Variants in CUX1 observed in about 807,000 individuals in gnomAD.
CUX1 encodes the protein cut like homeobox 1.
Under a neutral mutation model 158.8 loss-of-function variants are expected in CUX1, and 31 were observed. That is an observed-to-expected ratio of 0.20 (90% CI 0.15 to 0.26). CUX1 has a LOEUF of 0.26. CUX1 is among the 10% of genes least tolerant of loss of function. The probability of loss-of-function intolerance (pLI) is 1.00; values close to 1 mark genes in which losing one functional copy is unlikely to be tolerated. For synonymous variants in CUX1, 879 were observed against 862.1 expected (o/e 1.02, Z -0.34); for missense variants, 1,589 against 2,014.6 (o/e 0.79, Z 4.04).
chr7:102,228,134 A>G lies in CUX1; in HGVS notation c.3433+465A>G, dbSNP rs534486708. 1.1e-4 allele frequency among the ~76,000 whole-genome samples: 17 copies of G among 151,842 alleles called. No individual in the cohort carries two copies. The South Asian group carries it at 2.3e-3, about 20-fold the overall frequency. On this transcript the variant is annotated intron_variant, in intron 21 of 23. Coordinates refer to ENST00000292535, the MANE Select transcript of CUX1 (RefSeq NM_181552.4). ...CCTGGCTAATTTTTGTATTTTCAGT[A>G]GAGGTGGGGTTTCACCATGTTGGCC...
Position 102,254,837 on chromosome 7 carries a change from A to G in CUX1, c.*5795A>G. Reference sequence around the variant, plus strand: ...AGTCTGGCCGGCACACTCGAACGCTAAGAGAATGGTCCAATTTGATGATCT... The same window carrying G: ...AGTCTGGCCGGCACACTCGAACGCTGAGAGAATGGTCCAATTTGATGATCT... On this transcript the variant is annotated 3_prime_UTR_variant, in exon 24 of 24. Transcript: ENST00000292535. The G allele has an allele frequency of 1.0e-6, 1 of 985,466 alleles. No individual in the cohort carries two copies. The highest frequency in any genetic ancestry group is 1.2e-6 in the Non-Finnish European group (1 of 829,944). 61.0% of individuals were successfully genotyped at this position (985,466 alleles called of 1,614,324 possible).
At chr7:101,887,628 C>T (rs1207880893) in intron 1 of CUX1, among the ~76,000 whole-genome samples, 5 of 151,920 alleles carry the variant, frequency 3.3e-5, no homozygotes, top group African/African-American at 4.8e-5. Context: ...TTTTCTGATT[C>T]GGGAGGATAA....
chr7:101,833,901 C>CG (rs954641364), intron 1 of CUX1, among the ~76,000 whole-genome samples: 4 of 152,094 alleles, frequency 2.6e-5, no homozygotes, highest in Non-Finnish European at 5.9e-5. Flanking sequence ...CTCCTTCTAA[C>CG]GGGGGGTGCA....
intron 8 of CUX1, among the ~76,000 whole-genome samples, chr7:102,139,232 G>A (rs1554499544): frequency 7.9e-6 from 1 of 126,730 alleles, no homozygotes; most frequent in East Asian, 2.2e-4. Flanking sequence ...GCAACAGAGA[G>A]AGACTACATC....
chr7:102,271,721 A>T (rs1791225248), intron 14 of CUX1, among the ~76,000 whole-genome samples: 1 of 152,182 alleles, frequency 6.6e-6, no homozygotes, highest in African/African-American at 2.4e-5. Context: ...GGCTCAGTGA[A>T]TGTCTGAAGG....
intron 14 of CUX1, 115 bp from the exon 15 acceptor site, chr7:102,196,519 C>G: frequency 1.0e-6 from 1 of 1,004,294 alleles, no homozygotes; most frequent in Non-Finnish European, 1.4e-6. Context: ...GTAAAAAAAA[C>G]CTGCACTTTT....
At chr7:102,207,917 G>C (rs1323704890) in intron 20 of CUX1, among the ~76,000 whole-genome samples, 1 of 152,150 alleles carries the variant, frequency 6.6e-6, no homozygotes, top group Non-Finnish European at 1.5e-5. Context: ...GTTTCACACA[G>C]AGGCTCACAT....
At chr7:102,236,609 TAAAC>T (rs1240859527) in intron 22 of CUX1, among the ~76,000 whole-genome samples, 3 of 152,038 alleles carry the variant, frequency 2.0e-5, no homozygotes, top group Non-Finnish European at 4.4e-5. Flanking sequence ...ATCTCCAACA[TAAAC>T]AAAAGTAGAG....
At chr7:102,225,424 A>G (rs2268029) in intron 20 of CUX1, among the ~76,000 whole-genome samples, 12,427 of 152,216 alleles carry the variant, frequency 0.082, 785 homozygotes, top group African/African-American at 0.17. Context: ...CCAGAAAAGG[A>G]CTCTTAAGAT....
rs186555641 is a variant in CUX1, at chr7:102,001,858, A to T, written c.142-26240A>T. Among the ~76,000 whole-genome samples, 3 of 152,360 alleles carry T rather than the reference A, an allele frequency of 2.0e-5. No homozygotes were observed. In the East Asian group the frequency reaches 5.8e-4, roughly 29 times the overall value. On this transcript the variant is annotated intron_variant, in intron 2 of 23. Coordinates refer to ENST00000292535, the MANE Select transcript of CUX1 (RefSeq NM_181552.4). ...CAGCAAGAGCTTGCCCCTGCTCAGAAGTGCTTAGTTGCTAATTAGATGTTT... is the reference window on the plus strand; with the variant it reads ...CAGCAAGAGCTTGCCCCTGCTCAGATGTGCTTAGTTGCTAATTAGATGTTT...
At chr7:101,876,937 C>T (rs1799207038) in intron 1 of CUX1, among the ~76,000 whole-genome samples, 1 of 151,938 alleles carries the variant, frequency 6.6e-6, no homozygotes, top group African/African-American at 2.4e-5. Context: ...TCATCTTTTT[C>T]CTAGTTTCTG....
chr7:102,194,716 G>A (rs906818865), intron 13 of CUX1, among the ~76,000 whole-genome samples: 1 of 151,576 alleles, frequency 6.6e-6, no homozygotes, highest in Admixed American at 6.6e-5. Flanking sequence ...GGGTCATCTG[G>A]TGGCCAATTA....
At chr7:102,018,127 T>G (rs1334591178) in intron 2 of CUX1, among the ~76,000 whole-genome samples, 1 of 152,020 alleles carries the variant, frequency 6.6e-6, no homozygotes. Context: ...TGGGTAATTT[T>G]TTTAGAAACT....
chr7:101,985,079 A>G (rs1389555657), intron 2 of CUX1, among the ~76,000 whole-genome samples: 1 of 152,192 alleles, frequency 6.6e-6, no homozygotes, highest in East Asian at 1.9e-4. Context: ...TCCAATAAAG[A>G]ATTGAAATTA....
At chr7:102,163,240 G>A (rs1790649069) in intron 9 of CUX1, among the ~76,000 whole-genome samples, 2 of 152,100 alleles carry the variant, frequency 1.3e-5, no homozygotes, top group Admixed American at 1.3e-4. Context: ...AGTACCGGCA[G>A]TTGGAGAGGC....
At chr7:101,818,695 T>C (rs550847587) in intron 1 of CUX1, among the ~76,000 whole-genome samples, 39 of 152,338 alleles carry the variant, frequency 2.6e-4, no homozygotes, top group Middle Eastern at 6.8e-3. Flanking sequence ...GATGATTTCC[T>C]ATGGGTTTGC....
chr7:102,053,162 A>C (rs1156830979), intron 3 of CUX1, among the ~76,000 whole-genome samples: 2 of 152,088 alleles, frequency 1.3e-5, no homozygotes, highest in Non-Finnish European at 2.9e-5. Context: ...GTGGTATCTC[A>C]TTGTGGTTTT....
At chr7:102,179,855 C>T (rs1792834652) in intron 11 of CUX1, among the ~76,000 whole-genome samples, 1 of 152,202 alleles carries the variant, frequency 6.6e-6, no homozygotes, top group African/African-American at 2.4e-5. Flanking sequence ...CCATTCCTTC[C>T]CCAACCCGGT....
At chr7:101,939,470 C>A (rs1011892454) in intron 2 of CUX1, among the ~76,000 whole-genome samples, 1 of 152,102 alleles carries the variant, frequency 6.6e-6, no homozygotes, top group South Asian at 2.1e-4. Flanking sequence ...ACCTAACCCT[C>A]GTCTGAACGA....
Sources: allele counts gnomAD v4.1 joint callset (sites outside exome capture counted in the v4.1 genomes callset), GRCh38; gene constraint gnomAD v4.1.1; transcripts MANE v1.5; gene names NCBI Gene and HGNC (gene_info 2026-07-23, HGNC 2026-07-21).